MAP7: variants seen among roughly 807,000 people sequenced by gnomAD.
MAP7 encodes the protein ensconsin.
Under a neutral mutation model 94.8 loss-of-function variants are expected in MAP7, and 52 were observed. The observed-to-expected ratio is 0.55, with a 90% CI of 0.44 to 0.69. The LOEUF (loss-of-function observed/expected upper bound fraction) is 0.69. Among genes scored for constraint, MAP7 ranks in the 30% least tolerant of loss-of-function variants. The pLI is 0.00. For missense variants in MAP7, 940 were observed against 964.6 expected (o/e 0.97, Z 0.34); for synonymous variants, 350 against 357.0 (o/e 0.98, Z 0.22).
chr6:136,487,907 T>C (rs1815282543), intron 1 of MAP7, among the ~76,000 whole-genome samples: 1 of 152,142 alleles, frequency 6.6e-6, no homozygotes, highest in Non-Finnish European at 1.5e-5. Context: ...TACGCTAATA[T>C]ACAGAGCGGA....
At chr6:136,417,059 C>T (rs1789721699) in intron 2 of MAP7, among the ~76,000 whole-genome samples, 1 of 152,176 alleles carries the variant, frequency 6.6e-6, no homozygotes, top group Admixed American at 6.5e-5. Context: ...ATCTAGGCTA[C>T]AGTGAGCCCT....
At chr6:136,533,187 G>A (rs190986266) in intron 1 of MAP7, among the ~76,000 whole-genome samples, 268 of 152,268 alleles carry the variant, frequency 1.8e-3, no homozygotes, top group African/African-American at 6.1e-3. Flanking sequence ...CAGGAGAATC[G>A]CTTGAACCCA....
At chr6:136,451,392 A>C (rs1348696917) in intron 1 of MAP7, among the ~76,000 whole-genome samples, 2 of 152,210 alleles carry the variant, frequency 1.3e-5, no homozygotes, top group East Asian at 3.8e-4. Flanking sequence ...TGGTTTACTC[A>C]ATATTTTAAG....
In MAP7 at chr6:136,466,766, A is replaced by G. The variant is rs1043783972; in HGVS notation, c.68-44967T>C. 2.5e-5 allele frequency: 39 copies of G among 1,534,992 alleles called. No individual in the cohort carries two copies. In the Middle Eastern group the frequency reaches 6.7e-4, roughly 26 times the overall value. The stretch of plus-strand genomic sequence containing the variant: ...TTTTGAGCCCAAGAACTTACAGTAC[A>G]GTTTAGTGTCTTCCATGCTAAAATC... On this transcript the variant is annotated intron_variant, in intron 1 of 17. Transcript: ENST00000354570.
At chr6:136,538,289 G>A (rs1829039939) in intron 1 of MAP7, among the ~76,000 whole-genome samples, 2 of 152,130 alleles carry the variant, frequency 1.3e-5, no homozygotes, top group African/African-American at 4.8e-5. Flanking sequence ...TACTTTGCTT[G>A]AAGAAACCCA....
rs1205282358 is a variant in MAP7 at position 136,521,225 on chromosome 6, G to A, written c.67+29117C>T. 2.0e-5 allele frequency among the ~76,000 whole-genome samples: 3 copies of A among 152,158 alleles called. No individual in the cohort carries two copies. In the East Asian group the frequency reaches 5.8e-4, roughly 29 times the overall value. ...TGTTGACTCATAAACACCTGCAGGGGACAAATAAACTTAGCTACAGACTAA... is the reference window on the plus strand; with the variant it reads ...TGTTGACTCATAAACACCTGCAGGGAACAAATAAACTTAGCTACAGACTAA... On this transcript the variant is annotated intron_variant, in intron 1 of 17. Coordinates refer to ENST00000354570, the MANE Select transcript of MAP7 (RefSeq NM_003980.6).
chr6:136,479,617 G>T (rs1012494843), intron 1 of MAP7, among the ~76,000 whole-genome samples: 1 of 152,086 alleles, frequency 6.6e-6, no homozygotes. Context: ...GCCTAAAGAC[G>T]TTACCAAAAT....
At chr6:136,460,767 C>T (rs1804936842) in intron 1 of MAP7, among the ~76,000 whole-genome samples, 1 of 152,056 alleles carries the variant, frequency 6.6e-6, no homozygotes, top group Admixed American at 6.6e-5. Flanking sequence ...ATAATAAACA[C>T]CACAGTGAAG....
chr6:136,459,791 T>C (rs1804571851), intron 1 of MAP7, among the ~76,000 whole-genome samples: 1 of 152,136 alleles, frequency 6.6e-6, no homozygotes, highest in Non-Finnish European at 1.5e-5. Context: ...AAAGTTTCAG[T>C]TATGCAAGAT....
At chr6:136,407,042 C>T (rs1264130094) in intron 3 of MAP7, among the ~76,000 whole-genome samples, 1 of 152,200 alleles carries the variant, frequency 6.6e-6, no homozygotes, top group Non-Finnish European at 1.5e-5. Context: ...AACCACTGTG[C>T]TAATTTGTTA....
intron 1 of MAP7, among the ~76,000 whole-genome samples, chr6:136,444,954 CTG>C (rs1402308428): frequency 6.6e-6 from 1 of 152,166 alleles, no homozygotes; most frequent in African/African-American, 2.4e-5. Flanking sequence ...ACTCTCTACT[CTG>C]TAGAGGTGAG....
chr6:136,526,272 C>A, intron 1 of MAP7: 1 of 1,071,282 alleles, frequency 9.3e-7, no homozygotes, highest in Non-Finnish European at 1.1e-6. Context: ...CACGTACACG[C>A]GCGCGCACAC....
intron 17 of MAP7, among the ~76,000 whole-genome samples, chr6:136,345,479 TTCTC>T (rs764815432): frequency 6.6e-6 from 1 of 152,162 alleles, no homozygotes; most frequent in Non-Finnish European, 1.5e-5. Context: ...ACTCAGATCT[TTCTC>T]TAGTGGGCAG....
At chr6:136,520,790 AT>A (rs1826174071) in intron 1 of MAP7, among the ~76,000 whole-genome samples, 1 of 152,250 alleles carries the variant, frequency 6.6e-6, no homozygotes, top group African/African-American at 2.4e-5. Context: ...ACAGATGAGC[AT>A]GAGTAGGACA....
chr6:136,418,966 CAG>C (rs1790393580), intron 2 of MAP7, among the ~76,000 whole-genome samples: 1 of 44,964 alleles, frequency 2.2e-5, no homozygotes, highest in African/African-American at 7.8e-5. Context: ...TACAAGAAAA[CAG>C]ACACAGGATG....
At chr6:136,355,428 T>C (rs1212297379) in intron 16 of MAP7, among the ~76,000 whole-genome samples, 2 of 151,952 alleles carry the variant, frequency 1.3e-5, no homozygotes, top group Admixed American at 1.3e-4. Flanking sequence ...ATTATTAAGA[T>C]CTCTCAGGGT....
intron 1 of MAP7, among the ~76,000 whole-genome samples, chr6:136,433,124 C>T (rs1224820662): frequency 6.6e-6 from 1 of 152,106 alleles, no homozygotes; most frequent in East Asian, 1.9e-4. Flanking sequence ...CCTTTCCCTT[C>T]TTCCTTTCTG....
At chr6:136,446,559 G>T (rs556987746) in intron 1 of MAP7, among the ~76,000 whole-genome samples, 2 of 152,246 alleles carry the variant, frequency 1.3e-5, no homozygotes, top group East Asian at 3.9e-4. Context: ...AGTTGGGGAG[G>T]TGCAGGGGGG....
intron 1 of MAP7, among the ~76,000 whole-genome samples, chr6:136,548,078 A>G (rs1330789032): frequency 6.7e-6 from 1 of 149,706 alleles, no homozygotes; most frequent in Non-Finnish European, 1.5e-5. Flanking sequence ...TTCTCTGTCC[A>G]CGGCCACCCA....
Sources: allele counts gnomAD v4.1 joint callset (sites outside exome capture counted in the v4.1 genomes callset), GRCh38; gene constraint gnomAD v4.1.1; transcripts MANE v1.5; gene names NCBI Gene and HGNC (gene_info 2026-07-23, HGNC 2026-07-21).